MAGI1: variants seen among roughly 807,000 people sequenced by gnomAD.
The protein encoded by MAGI1 is membrane associated guanylate kinase, WW and PDZ domain containing 1.
MAGI1 carries 58 observed loss-of-function variants against 139.9 expected under a neutral mutation model. The ratio of observed to expected loss-of-function variants is 0.41; its 90% CI spans 0.34 to 0.52. The LOEUF is 0.52. MAGI1 is among the 20% of genes least tolerant of loss of function. The pLI is 0.12. For missense variants in MAGI1, 1,874 were observed against 1,901.6 expected, an observed-to-expected ratio of 0.99 and a Z score of 0.27; for synonymous variants, 812 against 737.9, an observed-to-expected ratio of 1.10 and a Z score of -1.63.
At chr3:65,855,509 G>T (rs1313970818) in intron 1 of MAGI1, among the ~76,000 whole-genome samples, 1 of 143,738 alleles carries the variant, frequency 7.0e-6, no homozygotes, top group Non-Finnish European at 1.5e-5. Context: ...ACTGAGGCAG[G>T]GGGGATCACT....
At chr3:65,653,118 A>G (rs1195830754) in intron 1 of MAGI1, among the ~76,000 whole-genome samples, 1 of 152,168 alleles carries the variant, frequency 6.6e-6, no homozygotes, top group African/African-American at 2.4e-5. Flanking sequence ...AATATGCATT[A>G]ATATCACAAC....
At chr3:65,360,783 C>T (rs780396789) in intron 22 of MAGI1, 23 of 1,018,184 alleles carry the variant, frequency 2.3e-5, no homozygotes, top group Middle Eastern at 4.9e-4. Context: ...CACCAAGTAA[C>T]CAAAAAGGAA....
At chr3:65,965,855 T>C (rs1278850881) in intron 1 of MAGI1, among the ~76,000 whole-genome samples, 1 of 152,102 alleles carries the variant, frequency 6.6e-6, no homozygotes. Context: ...GATTTCGCCA[T>C]GTTGGCTGGG....
At chr3:65,704,677 A>C (rs1268964900) in intron 1 of MAGI1, among the ~76,000 whole-genome samples, 1 of 152,150 alleles carries the variant, frequency 6.6e-6, no homozygotes. Flanking sequence ...CTTTTTCAAC[A>C]ATCATTTTAA....
chr3:66,018,546 A>C (rs557352271), intron 1 of MAGI1, among the ~76,000 whole-genome samples: 3 of 152,334 alleles, frequency 2.0e-5, no homozygotes, highest in Admixed American at 2.0e-4. Flanking sequence ...GGGCCGGTGA[A>C]GGAATTGAAA....
intron 1 of MAGI1, among the ~76,000 whole-genome samples, chr3:65,986,444 A>G (rs1351101265): frequency 6.6e-6 from 1 of 152,212 alleles, no homozygotes; most frequent in Non-Finnish European, 1.5e-5. Context: ...CTCTATTAAC[A>G]GAAGTATGTA....
At chr3:66,027,443 G>A (rs928091096) in intron 1 of MAGI1, among the ~76,000 whole-genome samples, 1 of 152,088 alleles carries the variant, frequency 6.6e-6, no homozygotes, top group Non-Finnish European at 1.5e-5. Context: ...TAGTAGCTGG[G>A]ACTACAAGCA....
At chr3:65,633,040 T>C (rs1484130684) in intron 1 of MAGI1, among the ~76,000 whole-genome samples, 2 of 152,200 alleles carry the variant, frequency 1.3e-5, no homozygotes, top group African/African-American at 4.8e-5. Context: ...TTAGAAATTC[T>C]AGGGGTGGAG....
Position 65,634,137 on chromosome 3 carries a change from T to C in MAGI1, c.314-12049A>G, listed in dbSNP as rs747745668. On this transcript the variant is annotated intron_variant, in intron 1 of 22. Transcript: ENST00000402939. ...AAACTGAGGCTCAGAAGTTGCCCCA[T>C]CACCCAGGTAGCAAGCAACAGAGGA... Among the ~76,000 whole-genome samples the C allele has an allele frequency of 1.3e-3, 194 of 152,244 alleles. 1 individual carries two copies. Among genetic ancestry groups the C allele is most frequent in the Admixed American group, 2.7e-3 (42 of 15,282 alleles).
chr3:65,874,878 G>C (rs1165693609), intron 1 of MAGI1: 1 of 152,464 alleles, frequency 6.6e-6, no homozygotes, highest in Non-Finnish European at 1.5e-5. Context: ...CTGATGAATG[G>C]GGAAAAAAAT....
Position 65,832,421 on chromosome 3 carries a change from T to G in MAGI1, c.313+205575A>C, listed in dbSNP as rs1176728440. On this transcript the variant is annotated intron_variant, in intron 1 of 22. Coordinates refer to ENST00000402939, the MANE Select transcript of MAGI1 (RefSeq NM_001033057.2). ...AAAGAAAACTCCTAGGGATGGAGAATCACAAAAGAATAAAAGGCTTACAGC... is the reference window on the plus strand; with the variant it reads ...AAAGAAAACTCCTAGGGATGGAGAAGCACAAAAGAATAAAAGGCTTACAGC... Among the ~76,000 whole-genome samples, 3 of 152,116 alleles carry G rather than the reference T, an allele frequency of 2.0e-5. No homozygotes were observed. The East Asian group carries it at 5.8e-4, about 29-fold the overall frequency.
intron 1 of MAGI1, among the ~76,000 whole-genome samples, chr3:65,645,932 A>G (rs2085235247): frequency 6.6e-6 from 1 of 152,098 alleles, no homozygotes; most frequent in Non-Finnish European, 1.5e-5. Flanking sequence ...TTATAGATAA[A>G]TCAAAATAGA....
At chr3:65,798,632 G>T (rs264098) in intron 1 of MAGI1, among the ~76,000 whole-genome samples, 27,322 of 151,944 alleles carry the variant, frequency 0.18, 2,721 homozygotes, top group South Asian at 0.34. Context: ...ATTCCCAGGA[G>T]CTTTGTGAAC....
At chr3:65,966,032 A>T (rs1299088119) in intron 1 of MAGI1, among the ~76,000 whole-genome samples, 1 of 152,220 alleles carries the variant, frequency 6.6e-6, no homozygotes, top group African/African-American at 2.4e-5. Context: ...AATCTAGGGT[A>T]AATGACCAAC....
intron 1 of MAGI1, among the ~76,000 whole-genome samples, chr3:65,891,174 C>T (rs1325772552): frequency 6.6e-6 from 1 of 151,080 alleles, no homozygotes; most frequent in Non-Finnish European, 1.5e-5. Context: ...TACACTTCAG[C>T]CTGGGCGACT....
chr3:65,893,713 TCTA>T (rs1351707704), intron 1 of MAGI1: 4 of 152,228 alleles, frequency 2.6e-5, no homozygotes, highest in African/African-American at 9.6e-5. Flanking sequence ...ATTACAATTA[TCTA>T]CTGCTGCGTA....
intron 1 of MAGI1, among the ~76,000 whole-genome samples, chr3:65,690,288 C>G (rs1010307374): frequency 6.6e-6 from 1 of 152,136 alleles, no homozygotes; most frequent in African/African-American, 2.4e-5. Context: ...AGGGTTGAGT[C>G]CTGGTGACAC....
At chr3:65,868,430 C>G (rs541313966) in intron 1 of MAGI1, among the ~76,000 whole-genome samples, 44 of 152,276 alleles carry the variant, frequency 2.9e-4, no homozygotes, top group Non-Finnish European at 5.4e-4. Context: ...AGCGCAGATT[C>G]AAAATGCTGT....
At position 65,429,698 on chromosome 3, in the gene MAGI1, C is replaced by T. The variant is rs1399622632; in HGVS notation, c.1989G>A (p.Gly663=). The part of the protein sequence containing the change: ...FGFTIADSPG[G]GGQRVKQIVD... ...CAATCTGTTTCACTCTTTGGCCACC[C>T]CCACCAGGACTGTCTGCGATAGTAA... Residue 663 remains glycine, a synonymous_variant, in exon 12 of 23, where the codon GGG becomes GGA. Transcript: ENST00000402939. 2.5e-6 allele frequency: 4 copies of T among 1,613,924 alleles called. No homozygotes were observed. The highest frequency in any genetic ancestry group is 2.5e-6 in the Non-Finnish European group (3 of 1,179,940).
Sources: gnomAD v4.1 joint callset for allele counts (sites outside exome capture counted in the v4.1 genomes callset) on GRCh38, gnomAD v4.1.1 for gene constraint, MANE v1.5 for transcripts, NCBI Gene and HGNC (gene_info 2026-07-23, HGNC 2026-07-21) for gene names.